The following AMMECR1 variants were observed in gnomAD, a reference collection of about 807,000 sequenced individuals.
The protein encoded by AMMECR1 is nuclear protein AMMECR1.
In AMMECR1, 3 loss-of-function variants were observed where a neutral mutation model predicts 22.5. The ratio of observed to expected loss-of-function variants is 0.13; its 90% CI spans 0.06 to 0.35. AMMECR1 has a LOEUF of 0.35. Ranked by LOEUF, AMMECR1 falls within the 10% of genes least tolerant of loss-of-function variation. The pLI is 1.00. For missense variants in AMMECR1, 235 were observed against 278.7 expected (o/e 0.84, Z 1.12); for synonymous variants, 130 against 116.7 (o/e 1.11, Z -0.74).
chrX:110,329,528 ATTGT>A (rs1436709335), intron 2 of AMMECR1, among the ~76,000 whole-genome samples: 2 of 112,389 alleles, frequency 1.8e-5, no homozygotes, highest in African/African-American at 6.5e-5. Flanking sequence ...AAAGCTTGCC[ATTGT>A]TTGTTGTTTA....
At chrX:110,342,390 A>C (rs1453580312) in intron 2 of AMMECR1, among the ~76,000 whole-genome samples, 1 of 110,381 alleles carries the variant, frequency 9.1e-6, no homozygotes, top group Non-Finnish European at 1.9e-5. Context: ...TTTTTTTTTG[A>C]GACAGAGTCT....
chrX:110,340,642 T>C (rs917137537), intron 2 of AMMECR1, among the ~76,000 whole-genome samples: 2 of 112,388 alleles, frequency 1.8e-5, no homozygotes, highest in South Asian at 7.3e-4. Flanking sequence ...AAGATACCTA[T>C]GTTATAGATG....
At chrX:110,213,867 G>A (rs780262769) in intron 3 of AMMECR1, among the ~76,000 whole-genome samples, 4 of 110,654 alleles carry the variant, frequency 3.6e-5, no homozygotes, top group Non-Finnish European at 3.8e-5. Context: ...CCAAATACCT[G>A]AAACAATGAT....
chrX:110,256,567 G>C (rs1273239573), intron 2 of AMMECR1, among the ~76,000 whole-genome samples: 1 of 111,637 alleles, frequency 9.0e-6, no homozygotes, highest in Non-Finnish European at 1.9e-5. Flanking sequence ...AATTGAGAGA[G>C]AATGTAAGAA....
intron 2 of AMMECR1, among the ~76,000 whole-genome samples, chrX:110,379,540 G>A (rs887220753): frequency 3.6e-5 from 4 of 111,667 alleles, no homozygotes; most frequent in Non-Finnish European, 5.6e-5. Context: ...AACTTCCCAA[G>A]CATGTGATTT....
intron 1 of AMMECR1, among the ~76,000 whole-genome samples, chrX:110,298,335 T>A (rs1346383865): frequency 8.9e-6 from 1 of 111,928 alleles, no homozygotes; most frequent in East Asian, 2.8e-4. Flanking sequence ...TTCATTATAA[T>A]GATGCCAAAG....
At chrX:110,241,933 T>C (rs2067635346) in intron 2 of AMMECR1, among the ~76,000 whole-genome samples, 1 of 111,758 alleles carries the variant, frequency 8.9e-6, no homozygotes, top group African/African-American at 3.3e-5. Flanking sequence ...AAAGGAAGCA[T>C]TCCTGGAGGT....
intron 1 of AMMECR1, among the ~76,000 whole-genome samples, chrX:110,314,625 C>T (rs1453979977): frequency 2.7e-5 from 3 of 112,046 alleles, no homozygotes; most frequent in Non-Finnish European, 5.6e-5. Flanking sequence ...TTTATAGTAG[C>T]AAACAGGTTC....
At chrX:110,375,581 A>G (rs1172593555) in intron 2 of AMMECR1, among the ~76,000 whole-genome samples, 1 of 111,986 alleles carries the variant, frequency 8.9e-6, no homozygotes, top group African/African-American at 3.3e-5. Flanking sequence ...TCAATCAATT[A>G]GAGCCTGCCC....
intron 2 of AMMECR1, among the ~76,000 whole-genome samples, chrX:110,234,241 G>A (rs1416881709): frequency 8.5e-4 from 95 of 111,796 alleles, no homozygotes; most frequent in Middle Eastern, 4.6e-3. Flanking sequence ...GCTACAAAGA[G>A]AATAAAATAC....
chrX:110,243,776 G>A (rs903962669), intron 2 of AMMECR1, among the ~76,000 whole-genome samples: 1 of 110,382 alleles, frequency 9.1e-6, no homozygotes, highest in Non-Finnish European at 1.9e-5. Context: ...TGATATCAAG[G>A]GTCTTTTCCA....
At chrX:110,291,704 A>T (rs1200496473) in intron 1 of AMMECR1, among the ~76,000 whole-genome samples, 2 of 111,785 alleles carry the variant, frequency 1.8e-5, no homozygotes, top group African/African-American at 6.5e-5. Context: ...CTGCATATGT[A>T]TTCCCACTTA....
In AMMECR1 at chrX:110,202,595, G is replaced by A. The variant is rs1344256452; in HGVS notation, c.700-59C>T. On this transcript the variant is annotated intron_variant, in intron 3 of 5. Transcript: ENST00000262844. ...TTCTTCATAGAATCAGAAAGAAAAG[G>A]TTATAATTTAACTTTCAAGAGAATG... The A allele has an allele frequency of 6.5e-6, 5 of 774,627 alleles. No individual in the cohort carries two copies. The African/African-American group carries it at 8.4e-5, about 13-fold the overall frequency. The allele number at this position is 774,627 out of a possible 1,213,427, so 63.8% of individuals were successfully genotyped here.
chrX:110,408,552 G>T (rs1257284235), intron 2 of AMMECR1, among the ~76,000 whole-genome samples: 1 of 112,009 alleles, frequency 8.9e-6, no homozygotes, highest in Admixed American at 9.4e-5. Flanking sequence ...AGCATAAAGG[G>T]TTTTGCTTCC....
intron 2 of AMMECR1, among the ~76,000 whole-genome samples, chrX:110,225,638 A>C (rs1338654441): frequency 8.9e-6 from 1 of 112,338 alleles, no homozygotes; most frequent in Admixed American, 9.4e-5. Flanking sequence ...TGAACATCCC[A>C]AATCCAAAAT....
intron 2 of AMMECR1, among the ~76,000 whole-genome samples, chrX:110,336,551 AAAAAAC>A (rs1348020455): frequency 8.7e-4 from 96 of 110,059 alleles, no homozygotes; most frequent in African/African-American, 2.7e-3. Context: ...AAACAAAACA[AAAAAAC>A]AAAAAAAATT....
chrX:110,281,099 T>G (rs867988353), intron 1 of AMMECR1, among the ~76,000 whole-genome samples: 9 of 112,557 alleles, frequency 8.0e-5, no homozygotes, highest in African/African-American at 2.6e-4. Flanking sequence ...CCAGCACTTA[T>G]GAATCATTTT....
intron 2 of AMMECR1, among the ~76,000 whole-genome samples, chrX:110,380,328 T>C (rs1361236980): frequency 1.9e-5 from 2 of 107,804 alleles, no homozygotes; most frequent in Non-Finnish European, 3.8e-5. Flanking sequence ...AAATCAAGAA[T>C]GCAATCCAAT....
chrX:110,245,764 T>A (rs768172062), intron 2 of AMMECR1, among the ~76,000 whole-genome samples: 8 of 110,355 alleles, frequency 7.2e-5, no homozygotes, highest in African/African-American at 2.3e-4. Context: ...TGACCTAGGA[T>A]TGCTCACCTG....
Sources: allele counts gnomAD v4.1 joint callset (sites outside exome capture counted in the v4.1 genomes callset), GRCh38; gene constraint gnomAD v4.1.1; transcripts MANE v1.5; gene names NCBI Gene and HGNC (gene_info 2026-07-23, HGNC 2026-07-21).